Variants in RPTOR observed in about 807,000 individuals in gnomAD.
The protein encoded by RPTOR is regulatory-associated protein of mTOR.
In RPTOR, 21 loss-of-function variants were observed where a neutral mutation model predicts 169.9. That is an observed-to-expected ratio of 0.12 (90% CI 0.09 to 0.18). RPTOR has a LOEUF of 0.18. RPTOR is among the 10% of genes least tolerant of loss of function. The pLI is 1.00. For missense variants in RPTOR, 1,133 were observed against 1,855.9 expected (o/e 0.61, Z 7.16); for synonymous variants, 732 against 753.2 (o/e 0.97, Z 0.46).
chr17:80,629,437 C>CCAT (rs2065423839), intron 2 of RPTOR, among the ~76,000 whole-genome samples: 2 of 151,344 alleles, frequency 1.3e-5, no homozygotes. Flanking sequence ...CGCAGCTCTT[C>CCAT]TGTGTGTCTC....
intron 1 of RPTOR, among the ~76,000 whole-genome samples, chr17:80,584,131 G>A (rs2065040009): frequency 6.6e-6 from 1 of 152,160 alleles, no homozygotes; most frequent in Non-Finnish European, 1.5e-5. Context: ...GGAGACCCCC[G>A]CTTTTATCTT....
rs1555713889 is a variant in RPTOR, at chr17:80,561,263, G to GTATA, written c.162+15494_162+15497dup. ...TTTATATATATATGTATATATATATGTATATATATATATATATATATATAT... is the reference window on the plus strand; with the variant it reads ...TTTATATATATATGTATATATATATGTATATATATATATATATATATATATATAT... On this transcript the variant is annotated intron_variant, in intron 1 of 33. Transcript: ENST00000306801. Among the ~76,000 whole-genome samples the GTATA allele has an allele frequency of 0.01, 201 of 19,632 alleles. 3 individuals are homozygous for GTATA. In the South Asian group the frequency reaches 0.22, roughly 21 times the overall value. The allele number at this position is 19,632 out of a possible 152,430, so 12.9% of individuals were successfully genotyped here. A position where few individuals can be genotyped will look rare whatever the true frequency, so the allele number is the denominator to read the frequency against.
At chr17:80,945,028 G>A (rs935925626) in intron 25 of RPTOR, among the ~76,000 whole-genome samples, 9 of 151,602 alleles carry the variant, frequency 5.9e-5, no homozygotes, top group African/African-American at 9.7e-5. Flanking sequence ...CTGGCTGGGC[G>A]TATGCCCATA....
At chr17:80,802,156 C>T (rs1354965758) in intron 7 of RPTOR, 1 of 152,272 alleles carries the variant, frequency 6.6e-6, no homozygotes, top group African/African-American at 2.4e-5. Context: ...CTGCACACAG[C>T]ACGGAGATCT....
intron 13 of RPTOR, among the ~76,000 whole-genome samples, chr17:80,864,592 T>TA (rs1323039818): frequency 6.6e-6 from 1 of 152,146 alleles, no homozygotes; most frequent in Non-Finnish European, 1.5e-5. Flanking sequence ...TTTAAAGACA[T>TA]ACAAAAGATG....
In RPTOR at chr17:80,957,890, C is replaced by T. The variant is rs1230916862; in HGVS notation, c.3477+160C>T. The stretch of plus-strand genomic sequence containing the variant: ...GTGCCGGGACAATGCTGGGAGGAGA[C>T]GTGGGCTCCCTGAGGCCTCTGGATG... On this transcript the variant is annotated intron_variant, in intron 29 of 33. Transcript: ENST00000306801. This position sits in a 1 kb window ranked among gnomAD's most constrained non-coding sequence, Gnocchi z 4.6. 6.6e-6 allele frequency among the ~76,000 whole-genome samples: 1 copy of T among 152,136 alleles called. No homozygotes were observed. The highest frequency in any genetic ancestry group is 2.4e-5 in the African/African-American group (1 of 41,430).
Position 80,695,214 on chromosome 17 carries a change from G to A in RPTOR, c.349-12627G>A, listed in dbSNP as rs909120559. Among the ~76,000 whole-genome samples, 8 of 152,170 alleles carry A rather than the reference G, an allele frequency of 5.3e-5. No individual in the cohort carries two copies. Among genetic ancestry groups the A allele is most frequent in the Admixed American group, 3.3e-4 (5 of 15,288 alleles). The stretch of plus-strand genomic sequence containing the variant: ...CCCAAGACAGAGGCTGCCCCGACCC[G>A]TGCTGTGCGGGTCACTCACCCCCAC... On this transcript the variant is annotated intron_variant, in intron 3 of 33. Transcript: ENST00000306801. The surrounding 1 kb of genome is among the most constrained non-coding windows in gnomAD (Gnocchi z 4.9).
intron 5 of RPTOR, among the ~76,000 whole-genome samples, chr17:80,731,764 A>G (rs1199931557): frequency 6.6e-6 from 1 of 152,250 alleles, no homozygotes; most frequent in African/African-American, 2.4e-5. Context: ...CTTTTTGAAT[A>G]TATTCAATTT....
At position 80,646,995 on chromosome 17, in the gene RPTOR, G is replaced by T. The variant is rs2065601101; in HGVS notation, c.348+3185G>T. Among the ~76,000 whole-genome samples the T allele has an allele frequency of 6.6e-6, 1 of 152,110 alleles. No individual in the cohort carries two copies. Among genetic ancestry groups the T allele is most frequent in the African/African-American group, 2.4e-5 (1 of 41,416 alleles). On this transcript the variant is annotated intron_variant, in intron 3 of 33. Transcript: ENST00000306801. This position sits in a 1 kb window ranked among gnomAD's most constrained non-coding sequence, Gnocchi z 5.0. Reference sequence around the variant, plus strand: ...TCTGGAAGCCTCTGATGATTTCCTTGCTGGTGCTGGAACGCTTGGACTTGT... The same window carrying T: ...TCTGGAAGCCTCTGATGATTTCCTTTCTGGTGCTGGAACGCTTGGACTTGT...
chr17:80,801,633 C>T (rs1278107104), intron 7 of RPTOR: 1 of 152,238 alleles, frequency 6.6e-6, no homozygotes, highest in East Asian at 1.9e-4. Flanking sequence ...CAAAAGATCC[C>T]AGTCTTGATT....
intron 24 of RPTOR, among the ~76,000 whole-genome samples, chr17:80,929,909 C>G (rs928873919): frequency 3.9e-5 from 6 of 152,146 alleles, no homozygotes; most frequent in African/African-American, 1.2e-4. Flanking sequence ...GAATGACACT[C>G]TGTGTGACAT....
chr17:80,911,149 C>A (rs4558471), intron 21 of RPTOR, among the ~76,000 whole-genome samples: 123,371 of 151,740 alleles, frequency 0.81, 50,335 homozygotes, highest in Admixed American at 0.85. Flanking sequence ...ATGGTATCAC[C>A]GGTATAGTCA....
At chr17:80,623,937 G>A (rs117265755) in intron 1 of RPTOR, among the ~76,000 whole-genome samples, 1 of 152,050 alleles carries the variant, frequency 6.6e-6, no homozygotes, top group East Asian at 1.9e-4. Flanking sequence ...TTGCTGTGTT[G>A]CCTAGGCCGG....
intron 6 of RPTOR, among the ~76,000 whole-genome samples, chr17:80,787,990 G>T (rs962154317): frequency 6.6e-6 from 1 of 152,138 alleles, no homozygotes; most frequent in Non-Finnish European, 1.5e-5. Flanking sequence ...ATCCCCTTCA[G>T]CGTCTCTTGG....
At chr17:80,678,307 G>A (rs1438314846) in intron 3 of RPTOR, among the ~76,000 whole-genome samples, 1 of 152,362 alleles carries the variant, frequency 6.6e-6, no homozygotes, top group East Asian at 1.9e-4. Flanking sequence ...GTGTCCTGTA[G>A]ACAGGGACAA....
At chr17:80,574,844 T>TG (rs10664607) in intron 1 of RPTOR, among the ~76,000 whole-genome samples, 3 of 150,232 alleles carry the variant, frequency 2.0e-5, no homozygotes, top group African/African-American at 2.4e-5. Flanking sequence ...TTTTTTTTTT[T>TG]GTAGAGACAG....
rs145164498 is a variant in RPTOR, at chr17:80,577,605, C to T, written c.162+31814C>T. ...TCCAGCTTATTTACAGTCCTTTCCA[C>T]GGAAGTCACTGAAGAATTGGATAAG... is the stretch of plus-strand genomic sequence containing the variant. On this transcript the variant is annotated intron_variant, in intron 1 of 33. Transcript: ENST00000306801. 3.7e-3 allele frequency among the ~76,000 whole-genome samples: 569 copies of T among 152,266 alleles called. 3 individuals are homozygous for T. Among genetic ancestry groups the T allele is most frequent in the African/African-American group, 0.013 (535 of 41,560 alleles).
intron 5 of RPTOR, among the ~76,000 whole-genome samples, chr17:80,753,177 C>T (rs943428146): frequency 1.3e-5 from 2 of 152,170 alleles, no homozygotes; most frequent in African/African-American, 2.4e-5. Context: ...GATGAGTGCT[C>T]GCTCTGTCTG....
intron 3 of RPTOR, among the ~76,000 whole-genome samples, chr17:80,673,780 A>C (rs909605053): frequency 6.6e-6 from 1 of 152,222 alleles, no homozygotes; most frequent in Non-Finnish European, 1.5e-5. Flanking sequence ...TCTGCAGCTC[A>C]TCTGAGTGCA....
Sources: gnomAD v4.1 joint callset for allele counts (sites outside exome capture counted in the v4.1 genomes callset) on GRCh38, gnomAD v4.1.1 for gene constraint, Gnocchi (gnomAD v3.1) non-coding constraint, MANE v1.5 for transcripts, NCBI Gene and HGNC (gene_info 2026-07-23, HGNC 2026-07-21) for gene names.